LSAMP: variants seen among roughly 807,000 people sequenced by gnomAD.
LSAMP encodes limbic system associated membrane protein.
LSAMP carries 7 observed loss-of-function variants against 38.6 expected under a neutral mutation model. The observed-to-expected ratio is 0.18, with a 90% CI of 0.10 to 0.34. The LOEUF (loss-of-function observed/expected upper bound fraction) is 0.34, where lower values mean the gene tolerates loss of function less well. Ranked by LOEUF, LSAMP falls within the 10% of genes least tolerant of loss-of-function variation. LSAMP has a pLI of 1.00. For synonymous variants in LSAMP, 154 were observed against 166.8 expected (o/e 0.92, Z 0.59); for missense variants, 313 against 420.0 (o/e 0.75, Z 2.23).
At chr3:116,148,396 G>A (rs934461984) in intron 1 of LSAMP, among the ~76,000 whole-genome samples, 4 of 151,902 alleles carry the variant, frequency 2.6e-5, no homozygotes, top group African/African-American at 9.7e-5. Context: ...AATCAGCAGA[G>A]TGAGAGGCAA....
chr3:115,846,661 C>T (rs1190242658), intron 4 of LSAMP, among the ~76,000 whole-genome samples: 1 of 152,130 alleles, frequency 6.6e-6, no homozygotes, highest in African/African-American at 2.4e-5. Flanking sequence ...GATTTAACCC[C>T]AGGTTTATCA....
chr3:116,286,964 C>A (rs1295808320), intron 1 of LSAMP, among the ~76,000 whole-genome samples: 1 of 151,812 alleles, frequency 6.6e-6, no homozygotes, highest in Non-Finnish European at 1.5e-5. Flanking sequence ...AGCTGTGACT[C>A]CCTCATCCCT....
intron 1 of LSAMP, among the ~76,000 whole-genome samples, chr3:116,212,945 C>T (rs7640143): frequency 0.81 from 123,111 of 152,088 alleles, 50,500 homozygotes; most frequent in East Asian, 0.91. Context: ...ATGTAAAGAC[C>T]TTAAGTTTCA....
intron 1 of LSAMP, among the ~76,000 whole-genome samples, chr3:116,425,320 A>G (rs903994825): frequency 6.6e-6 from 1 of 152,212 alleles, no homozygotes; most frequent in African/African-American, 2.4e-5. Flanking sequence ...CCATGTAACC[A>G]TAGAATGAGT....
intron 3 of LSAMP, among the ~76,000 whole-genome samples, chr3:115,960,747 G>A (rs1436885984): frequency 1.3e-5 from 2 of 152,066 alleles, no homozygotes; most frequent in Non-Finnish European, 2.9e-5. Context: ...GTTTATATCA[G>A]ATAATAAAAT....
chr3:116,130,530 G>A (rs1015028569), intron 1 of LSAMP, among the ~76,000 whole-genome samples: 4 of 152,118 alleles, frequency 2.6e-5, no homozygotes, highest in Non-Finnish European at 4.4e-5. Flanking sequence ...AAAGGCTTCA[G>A]ATCTGCAATG....
intron 1 of LSAMP, among the ~76,000 whole-genome samples, chr3:116,281,742 A>G (rs534207344): frequency 1.1e-4 from 17 of 152,312 alleles, no homozygotes; most frequent in Admixed American, 9.1e-4. Context: ...GAGGAATATG[A>G]TTTCATTTAG....
chr3:116,228,677 T>C (rs1389274206), intron 1 of LSAMP, among the ~76,000 whole-genome samples: 2 of 152,086 alleles, frequency 1.3e-5, no homozygotes, highest in African/African-American at 2.4e-5. Flanking sequence ...TGTTATTAAA[T>C]GTAAAAACAA....
intron 3 of LSAMP, among the ~76,000 whole-genome samples, chr3:115,924,242 C>A (rs981439017): frequency 2.0e-5 from 3 of 152,106 alleles, no homozygotes; most frequent in Non-Finnish European, 2.9e-5. Flanking sequence ...ATTTGTGCAG[C>A]CTTATTCTAA....
intron 1 of LSAMP, among the ~76,000 whole-genome samples, chr3:116,284,622 C>A (rs2047170055): frequency 6.6e-6 from 1 of 152,184 alleles, no homozygotes; most frequent in Non-Finnish European, 1.5e-5. Context: ...CAAACCAAGG[C>A]ATTTACACTT....
At chr3:116,079,219 T>C (rs1338132468) in intron 2 of LSAMP, among the ~76,000 whole-genome samples, 1 of 152,182 alleles carries the variant, frequency 6.6e-6, no homozygotes, top group African/African-American at 2.4e-5. Flanking sequence ...TCCCAGATGT[T>C]TTTCCCTTCA....
chr3:116,343,572 T>C (rs1289468045), intron 1 of LSAMP, among the ~76,000 whole-genome samples: 11 of 152,108 alleles, frequency 7.2e-5, no homozygotes, highest in Non-Finnish European at 1.0e-4. Flanking sequence ...CATCATGCCA[T>C]GTATAAGATG....
At chr3:116,282,815 C>G (rs924120618) in intron 1 of LSAMP, among the ~76,000 whole-genome samples, 4 of 151,968 alleles carry the variant, frequency 2.6e-5, no homozygotes, top group Admixed American at 1.3e-4. Flanking sequence ...ACATTGAGAC[C>G]TAAACAGAAG....
chr3:116,399,815 C>T (rs1313858026), intron 1 of LSAMP, among the ~76,000 whole-genome samples: 2 of 152,190 alleles, frequency 1.3e-5, no homozygotes, highest in Non-Finnish European at 2.9e-5. Flanking sequence ...TCTCATTGCA[C>T]ATCTACAAGC....
chr3:116,112,237 T>C (rs980771344), intron 1 of LSAMP, among the ~76,000 whole-genome samples: 1 of 152,228 alleles, frequency 6.6e-6, no homozygotes, highest in Non-Finnish European at 1.5e-5. Context: ...AATGTGTGTC[T>C]TGGGACTGCA....
chr3:116,158,010 A>G (rs1005280066), intron 1 of LSAMP, among the ~76,000 whole-genome samples: 1 of 152,202 alleles, frequency 6.6e-6, no homozygotes, highest in African/African-American at 2.4e-5. Context: ...ATCCACCGTG[A>G]TCAAGTAGGC....
Position 116,200,730 on chromosome 3 carries a change from C to T in LSAMP, c.156-114174G>A, listed in dbSNP as rs566998299. Among the ~76,000 whole-genome samples the T allele has an allele frequency of 5.3e-5, 8 of 152,244 alleles. No homozygotes were observed. The South Asian group carries it at 1.7e-3, about 32-fold the overall frequency. ...TGTTCATTTGTTCTAAATTTACCAC[C>T]CACTAATGCCATGGAGTGACCCTTT... On this transcript the variant is annotated intron_variant, in intron 1 of 6. Transcript: ENST00000490035.
chr3:115,879,690 T>C (rs1161854449), intron 3 of LSAMP, among the ~76,000 whole-genome samples: 2 of 152,212 alleles, frequency 1.3e-5, no homozygotes, highest in East Asian at 3.9e-4. Flanking sequence ...CCCTGAACAA[T>C]TTAAAATTGG....
intron 1 of LSAMP, among the ~76,000 whole-genome samples, chr3:116,274,001 T>C (rs1056907737): frequency 6.6e-6 from 1 of 151,914 alleles, no homozygotes; most frequent in Admixed American, 6.6e-5. Context: ...ATCTGTTATT[T>C]TCCATTTACA....
Sources: gnomAD v4.1 joint callset for allele counts (sites outside exome capture counted in the v4.1 genomes callset) on GRCh38, gnomAD v4.1.1 for gene constraint, MANE v1.5 for transcripts, NCBI Gene and HGNC (gene_info 2026-07-23, HGNC 2026-07-21) for gene names.